ABCC2: variants seen among roughly 807,000 people sequenced by gnomAD.
ABCC2 encodes ATP-binding cassette sub-family C member 2.
In ABCC2, 157 loss-of-function variants were observed where a neutral mutation model predicts 173.4. The observed-to-expected ratio is 0.91, with a 90% confidence interval of 0.80 to 1.03. The LOEUF (loss-of-function observed/expected upper bound fraction) is 1.03. Ranked by LOEUF, ABCC2 falls within the 50% of genes least tolerant of loss-of-function variation. ABCC2 has a pLI of 0.00. For synonymous variants in ABCC2, 657 were observed against 693.5 expected, an observed-to-expected ratio of 0.95 and a Z score of 0.83; for missense variants, 1,822 against 1,852.3, an observed-to-expected ratio of 0.98 and a Z score of 0.30.
chr10:99,835,946 A>G (rs2038813451), intron 24 of ABCC2, 145 bp from the exon 25 acceptor site: 1 of 807,770 alleles, frequency 1.2e-6, no homozygotes. Context: ...TTCTGCTCCC[A>G]GACATGGCAC....
At chr10:99,849,100 T>C (rs888794260) in intron 30 of ABCC2, among the ~76,000 whole-genome samples, 1 of 152,140 alleles carries the variant, frequency 6.6e-6, no homozygotes, top group Non-Finnish European at 1.5e-5. Context: ...GGCACAGGCC[T>C]GTAATCCCAG....
At chr10:99,848,109 G>A (rs1351579204) in intron 30 of ABCC2, among the ~76,000 whole-genome samples, 1 of 152,158 alleles carries the variant, frequency 6.6e-6, no homozygotes, top group South Asian at 2.1e-4. Context: ...ACTGGACATA[G>A]GGAGTTTTAA....
intron 25 of ABCC2, among the ~76,000 whole-genome samples, chr10:99,838,214 C>T: frequency 5.4e-5 from 2 of 37,160 alleles, no homozygotes; most frequent in African/African-American, 2.1e-4. Flanking sequence ...GACCCCCCCA[C>T]CTCCCTCCCG....
At chr10:99,791,367 C>T (rs928144260) in intron 2 of ABCC2, among the ~76,000 whole-genome samples, 1 of 152,190 alleles carries the variant, frequency 6.6e-6, no homozygotes, top group African/African-American at 2.4e-5. Context: ...GAGACTGCGC[C>T]TCTGCACTCC....
At position 99,784,738 on chromosome 10, in the gene ABCC2, G is replaced by A; in HGVS notation, c.164G>A (p.Arg55Lys). Residue 55 changes from arginine (R) to lysine (K), a missense_variant, in exon 2 of 32, where the codon AGG becomes AAG. Physicochemically the swap from Arg to Lys is conservative, Grantham distance 26. Transcript: ENST00000647814. ...PWQLLHVYKS[R>K]TKRSSTTKLY... ...CAGCTTCTCCACGTGTATAAATCCAGGACCAAGAGATCCTCTACCACCAAA... is the reference window on the plus strand; with the variant it reads ...CAGCTTCTCCACGTGTATAAATCCAAGACCAAGAGATCCTCTACCACCAAA... 6.2e-7 allele frequency: 1 copy of A among 1,614,094 alleles called. No homozygotes were observed.
At chr10:99,808,262 C>A in intron 13 of ABCC2, 33 bp downstream of exon 13, 1 of 1,612,896 alleles carries the variant, frequency 6.2e-7, no homozygotes, top group South Asian at 1.1e-5. Flanking sequence ...AACTCCCTGT[C>A]TCTGGTTAAA....
At chr10:99,792,204 C>A in intron 2 of ABCC2, 30 bp from the exon 3 acceptor site, 1 of 1,613,292 alleles carries the variant, frequency 6.2e-7, no homozygotes, top group South Asian at 1.1e-5. Flanking sequence ...GAATGATATC[C>A]TCTTAACAGT....
intron 15 of ABCC2, among the ~76,000 whole-genome samples, chr10:99,812,659 G>A (rs893536224): frequency 1.3e-5 from 2 of 152,202 alleles, no homozygotes; most frequent in Admixed American, 6.5e-5. Context: ...CAGTGTCAGG[G>A]TTGGGACTTG....
chr10:99,814,118 T>C (rs1489813639), intron 16 of ABCC2, among the ~76,000 whole-genome samples: 9 of 140,660 alleles, frequency 6.4e-5, no homozygotes, highest in African/African-American at 1.1e-4. Flanking sequence ...TATGTGTATA[T>C]ACACACATAT....
At chr10:99,842,816 A>T (rs3780882) in intron 26 of ABCC2, among the ~76,000 whole-genome samples, 1 of 151,856 alleles carries the variant, frequency 6.6e-6, no homozygotes, top group East Asian at 1.9e-4. Flanking sequence ...TTGGGAGGCC[A>T]AAGTGGGTGG....
chr10:99,836,481 C>A (rs1350195388), intron 25 of ABCC2, among the ~76,000 whole-genome samples, 191 bp downstream of exon 25: 3 of 152,166 alleles, frequency 2.0e-5, no homozygotes, highest in African/African-American at 7.2e-5. Flanking sequence ...GACAGCTCTG[C>A]CGTTTACCAA....
intron 2 of ABCC2, among the ~76,000 whole-genome samples, chr10:99,790,965 A>T (rs1035229671): frequency 6.6e-6 from 1 of 152,178 alleles, no homozygotes; most frequent in Non-Finnish European, 1.5e-5. Flanking sequence ...TGCCACATAA[A>T]TATCTTCATT....
At chr10:99,785,759 C>G (rs917867306) in intron 2 of ABCC2, among the ~76,000 whole-genome samples, 6 of 152,014 alleles carry the variant, frequency 3.9e-5, no homozygotes, top group Non-Finnish European at 1.5e-5. Context: ...CTCAAGTGAT[C>G]CCTCCTGCCT....
chr10:99,828,105 C>T (rs1356965912), intron 19 of ABCC2, among the ~76,000 whole-genome samples: 1 of 150,064 alleles, frequency 6.7e-6, no homozygotes, highest in Admixed American at 6.7e-5. Flanking sequence ...GGGCAGTTTT[C>T]CCATACTAAT....
chr10:99,788,420 A>T (rs4148385), intron 2 of ABCC2: 1 of 151,856 alleles, frequency 6.6e-6, no homozygotes, highest in Admixed American at 6.6e-5. Context: ...ACCCCCAAAT[A>T]GACCCAATAG....
intron 19 of ABCC2, among the ~76,000 whole-genome samples, chr10:99,827,126 AT>A (rs561532979): frequency 0.043 from 6,544 of 151,696 alleles, 33 homozygotes; most frequent in Middle Eastern, 0.16. Context: ...GCATTCCTGG[AT>A]ATCCATACTG....
At chr10:99,812,139 T>C (rs755508081) in intron 15 of ABCC2, among the ~76,000 whole-genome samples, 5 of 152,212 alleles carry the variant, frequency 3.3e-5, no homozygotes, top group Non-Finnish European at 7.3e-5. Context: ...TCTTCACAAC[T>C]GAGCACATCT....
rs902488949 is a variant in ABCC2, at chr10:99,830,982, C to T, written c.2883+131C>T. 10 of 1,008,202 alleles carry T rather than the reference C, an allele frequency of 9.9e-6. No individual in the cohort carries two copies. In the African/African-American group the frequency reaches 1.5e-4, roughly 15 times the overall value. The allele number at this position is 1,008,202 out of a possible 1,614,324, so 62.5% of individuals were successfully genotyped here. A position where few individuals can be genotyped will look rare whatever the true frequency, so the allele number is the denominator to read the frequency against. ...CCTCTGTCCTTTGCAAATCTTCAGACTCATTATTAACCTGTTAGCAGAGGC... is the reference window on the plus strand; with the variant it reads ...CCTCTGTCCTTTGCAAATCTTCAGATTCATTATTAACCTGTTAGCAGAGGC... On this transcript the variant is annotated intron_variant, in intron 21 of 31. Coordinates refer to ENST00000647814, the MANE Select transcript of ABCC2 (RefSeq NM_000392.5).
chr10:99,807,987 G>T lies in ABCC2; in HGVS notation c.1669-96G>T, dbSNP rs964781128. 43 of 1,455,186 alleles carry T rather than the reference G, an allele frequency of 3.0e-5. No homozygotes were observed. In the Middle Eastern group the frequency reaches 5.2e-4, roughly 18 times the overall value. The allele number at this position is 1,455,186 out of a possible 1,614,324, so 90.1% of individuals were successfully genotyped here. Reference sequence around the variant, plus strand: ...ATGGGGAGGCTGGATGATCCTTAAGGCGCCTTCAACTCTGATATATGGTGT... The same window carrying T: ...ATGGGGAGGCTGGATGATCCTTAAGTCGCCTTCAACTCTGATATATGGTGT... On this transcript the variant is annotated intron_variant, in intron 12 of 31. Coordinates refer to ENST00000647814, the MANE Select transcript of ABCC2 (RefSeq NM_000392.5).
Sources: gnomAD v4.1 joint callset for allele counts (sites outside exome capture counted in the v4.1 genomes callset) on GRCh38, gnomAD v4.1.1 for gene constraint, MANE v1.5 for transcripts, NCBI Gene and HGNC (gene_info 2026-07-23, HGNC 2026-07-21) for gene names.